Variants in CNBD1 observed in about 807,000 individuals in gnomAD.
The protein encoded by CNBD1 is cyclic nucleotide binding domain containing 1, also known as cyclic nucleotide-binding domain-containing protein 1.
In CNBD1, 71 loss-of-function variants were observed where a neutral mutation model predicts 54.4. That is an observed-to-expected ratio of 1.30 (90% confidence interval 1.08 to 1.59). The LOEUF (loss-of-function observed/expected upper bound fraction) is 1.59. Among genes scored for constraint, CNBD1 ranks in the 40% most tolerant of loss-of-function variants. CNBD1 has a pLI of 0.00. For missense variants in CNBD1, 659 were observed against 518.0 expected, an observed-to-expected ratio of 1.27 and a Z score of -2.64; for synonymous variants, 182 against 170.7, an observed-to-expected ratio of 1.07 and a Z score of -0.51.
chr8:87,137,428 T>G (rs1222129464), intron 4 of CNBD1, among the ~76,000 whole-genome samples: 1 of 151,546 alleles, frequency 6.6e-6, no homozygotes, highest in Non-Finnish European at 1.5e-5. Context: ...GATCTCCATC[T>G]CCTGACTTCG....
At chr8:87,304,385 G>A (rs1809091842) in intron 8 of CNBD1, among the ~76,000 whole-genome samples, 2 of 151,722 alleles carry the variant, frequency 1.3e-5, no homozygotes, top group South Asian at 4.2e-4. Flanking sequence ...CTATCACAAG[G>A]ACAAAAAACC....
At chr8:87,106,407 C>T (rs573280009) in intron 4 of CNBD1, among the ~76,000 whole-genome samples, 1 of 152,146 alleles carries the variant, frequency 6.6e-6, no homozygotes, top group Admixed American at 6.5e-5. Context: ...GCTGGGGTTT[C>T]ACCAAGCAGG....
intron 5 of CNBD1, among the ~76,000 whole-genome samples, chr8:87,228,031 A>G (rs1211879815): frequency 6.6e-6 from 1 of 151,718 alleles, no homozygotes; most frequent in Non-Finnish European, 1.5e-5. Flanking sequence ...AGTTGATCGC[A>G]TCGGCTCCTG....
rs141620373 is a variant in CNBD1 at position 86,910,713 on chromosome 8, A to G, written c.272+5519A>G. On this transcript the variant is annotated intron_variant, in intron 3 of 10. Coordinates refer to ENST00000518476, the MANE Select transcript of CNBD1 (RefSeq NM_173538.3). ...AGTGAAAAAGAAATGAAGTGGAGTC[A>G]TTGTCTGGGGTAATACCCAAGGTTT... is the stretch of plus-strand genomic sequence containing the variant. Among the ~76,000 whole-genome samples, 217 of 152,252 alleles carry G rather than the reference A, an allele frequency of 1.4e-3. 2 individuals carry two copies. The highest frequency in any genetic ancestry group is 5.1e-3 in the African/African-American group (213 of 41,546).
intron 4 of CNBD1, among the ~76,000 whole-genome samples, chr8:87,176,782 C>G (rs193012574): frequency 2.6e-5 from 4 of 152,122 alleles, no homozygotes; most frequent in Admixed American, 2.6e-4. Flanking sequence ...AGCCACCGTG[C>G]CTGGCTTTGC....
intron 5 of CNBD1, 24 bp from the exon 6 acceptor site, chr8:87,236,895 A>G (rs1807593720): frequency 1.3e-6 from 2 of 1,533,612 alleles, no homozygotes; most frequent in Non-Finnish European, 1.8e-6. Flanking sequence ...CACAGTATAT[A>G]TTTTTTGGCT....
At chr8:87,092,518 T>C (rs956439422) in intron 4 of CNBD1, among the ~76,000 whole-genome samples, 3 of 145,966 alleles carry the variant, frequency 2.1e-5, no homozygotes, top group African/African-American at 7.8e-5. Context: ...TGTGTGTGTA[T>C]GTGTGTGTAT....
Position 87,190,552 on chromosome 8 carries a change from T to C in CNBD1, c.432-15441T>C, listed in dbSNP as rs184626124. On this transcript the variant is annotated intron_variant, in intron 4 of 10. Coordinates refer to ENST00000518476, the MANE Select transcript of CNBD1 (RefSeq NM_173538.3). ...CTTATATATTTTTAATCCAGCTTCA[T>C]TAATGGGTCTATTTTCTTACTGTTT... 3.1e-3 allele frequency among the ~76,000 whole-genome samples: 477 copies of C among 152,246 alleles called. 5 individuals carry two copies. The highest frequency in any genetic ancestry group is 0.011 in the African/African-American group (457 of 41,542).
chr8:87,361,539 A>C (rs959465476), intron 10 of CNBD1, among the ~76,000 whole-genome samples: 21 of 151,924 alleles, frequency 1.4e-4, no homozygotes, highest in Non-Finnish European at 2.8e-4. Context: ...ATTGATATCT[A>C]ATGTTTATAT....
intron 8 of CNBD1, among the ~76,000 whole-genome samples, chr8:87,314,635 A>C (rs1266834400): frequency 6.6e-6 from 1 of 152,038 alleles, no homozygotes; most frequent in South Asian, 2.1e-4. Context: ...ATATTATCAG[A>C]TTTGATTATC....
rs1182499206 is a variant in CNBD1 at position 87,317,297 on chromosome 8, T to A, written c.1042+30626T>A. Among the ~76,000 whole-genome samples the A allele has an allele frequency of 1.7e-4, 26 of 151,736 alleles. 1 individual carries two copies. Among genetic ancestry groups the A allele is most frequent in the Admixed American group, 1.7e-3 (26 of 15,188 alleles). On this transcript the variant is annotated intron_variant, in intron 8 of 10. Transcript: ENST00000518476. ...GCTCAAGTTGTTGATTTGAGACTTT[T>A]TTTTTATTTTCTAAGCTAGCCATTT...
At chr8:87,211,255 C>T (rs184114862) in intron 5 of CNBD1, among the ~76,000 whole-genome samples, 293 of 152,142 alleles carry the variant, frequency 1.9e-3, no homozygotes, top group Non-Finnish European at 3.6e-3. Context: ...GTAAATAGTA[C>T]TTTTTGATTT....
chr8:87,136,931 G>A (rs187803788), intron 4 of CNBD1, among the ~76,000 whole-genome samples: 4,161 of 26,592 alleles, frequency 0.16, 929 homozygotes, highest in Non-Finnish European at 0.18. Context: ...TATATTCTAT[G>A]TAAATTATAT....
In CNBD1 at chr8:87,038,323, C is replaced by T. The variant is rs73689997; in HGVS notation, c.431+98569C>T. Among the ~76,000 whole-genome samples the T allele has an allele frequency of 2.1e-3, 324 of 152,234 alleles. 2 individuals are homozygous for T. The highest frequency in any genetic ancestry group is 6.5e-3 in the African/African-American group (270 of 41,532). On this transcript the variant is annotated intron_variant, in intron 4 of 10. Transcript: ENST00000518476. ...AAGCCAAGTCACTGAGTTTAATTGA[C>T]GCGAGACTGGCTACACCATGTAGGA...
At chr8:87,311,852 C>A (rs957897368) in intron 8 of CNBD1, among the ~76,000 whole-genome samples, 1 of 151,996 alleles carries the variant, frequency 6.6e-6, no homozygotes, top group Non-Finnish European at 1.5e-5. Flanking sequence ...GGAACTGAAA[C>A]CAAATACTGC....
intron 4 of CNBD1, among the ~76,000 whole-genome samples, chr8:87,048,557 A>G (rs553128393): frequency 6.1e-4 from 93 of 152,314 alleles, no homozygotes; most frequent in African/African-American, 1.6e-3. Flanking sequence ...GGTAACAGAC[A>G]TCTTAAATGA....
chr8:87,384,407 G>A (rs1004948152), downstream of CNBD1, among the ~76,000 whole-genome samples: 12 of 152,040 alleles, frequency 7.9e-5, no homozygotes, highest in Non-Finnish European at 1.3e-4. Flanking sequence ...ATATTATATG[G>A]TACATATTAT....
At chr8:87,250,824 A>G (rs1411262638) in intron 6 of CNBD1, among the ~76,000 whole-genome samples, 4 of 152,200 alleles carry the variant, frequency 2.6e-5, no homozygotes, top group Non-Finnish European at 5.9e-5. Flanking sequence ...AGAGGCAGAG[A>G]AAGATAGCAG....
intron 8 of CNBD1, among the ~76,000 whole-genome samples, chr8:87,321,813 T>A (rs13267149): frequency 4.7e-5 from 7 of 149,636 alleles, no homozygotes; most frequent in Admixed American, 2.7e-4. Flanking sequence ...CTTTTTTTTT[T>A]TTTTTATACT....
Sources: allele counts gnomAD v4.1 joint callset (sites outside exome capture counted in the v4.1 genomes callset), GRCh38; gene constraint gnomAD v4.1.1; transcripts MANE v1.5; gene names NCBI Gene and HGNC (gene_info 2026-07-23, HGNC 2026-07-21).